The following BZW2 variants were observed in gnomAD, a reference collection of about 807,000 sequenced individuals.
BZW2 encodes the protein basic leucine zipper and W2 domains 2.
A neutral mutation model predicts 53.2 loss-of-function variants in BZW2; 23 were observed. That is an observed-to-expected ratio of 0.43 (90% confidence interval 0.31 to 0.61). BZW2 has a LOEUF of 0.61. BZW2 is among the 20% of genes least tolerant of loss of function. The probability of loss-of-function intolerance (pLI) is 0.09; values close to 1 mark genes in which losing one functional copy is unlikely to be tolerated. For missense variants in BZW2, 409 were observed against 503.1 expected, an observed-to-expected ratio of 0.81 and a Z score of 1.79; for synonymous variants, 227 against 186.4, an observed-to-expected ratio of 1.22 and a Z score of -1.77.
intron 2 of BZW2, among the ~76,000 whole-genome samples, chr7:16,667,293 CAA>C (rs574426507): frequency 8.1e-6 from 1 of 124,082 alleles, no homozygotes; most frequent in African/African-American, 3.0e-5. Flanking sequence ...AAAAAAAAAA[CAA>C]AAAAAAAAAC....
intron 2 of BZW2, among the ~76,000 whole-genome samples, chr7:16,673,228 G>A (rs1222026166): frequency 6.6e-6 from 1 of 152,146 alleles, no homozygotes; most frequent in East Asian, 1.9e-4. Flanking sequence ...TTACAGGCGT[G>A]AGCCACCACG....
intron 10 of BZW2, among the ~76,000 whole-genome samples, chr7:16,699,145 T>C (rs1477112096): frequency 6.6e-6 from 1 of 152,214 alleles, no homozygotes; most frequent in Non-Finnish European, 1.5e-5. Flanking sequence ...GGGTGATATT[T>C]TACTTTTTCA....
chr7:16,694,749 T>G, intron 7 of BZW2, 85 bp from the exon 8 acceptor site: 1 of 1,117,722 alleles, frequency 8.9e-7, no homozygotes, highest in Non-Finnish European at 1.2e-6. Flanking sequence ...TGTGAGATAT[T>G]CTAAGTGAAA....
At chr7:16,689,546 T>C (rs373404276) in intron 6 of BZW2, among the ~76,000 whole-genome samples, 2 of 152,220 alleles carry the variant, frequency 1.3e-5, no homozygotes, top group East Asian at 1.9e-4. Context: ...AAAATAAACT[T>C]GCAGTTAGAC....
intron 5 of BZW2, 123 bp from the exon 6 acceptor site, chr7:16,685,782 T>G (rs1783096465): frequency 8.1e-7 from 1 of 1,232,932 alleles, no homozygotes; most frequent in Non-Finnish European, 1.1e-6. Context: ...ACCTTCTGTT[T>G]GTGTGCCACG....
chr7:16,646,434 GC>G (rs1246145191), intron 1 of BZW2, 146 bp downstream of exon 1: 1 of 160,756 alleles, frequency 6.2e-6, no homozygotes, highest in African/African-American at 2.4e-5. Flanking sequence ...CGGTGGAGAA[GC>G]CCCCGCTCCA....
At chr7:16,670,493 CTT>C (rs1049058119) in intron 2 of BZW2, among the ~76,000 whole-genome samples, 35 of 152,270 alleles carry the variant, frequency 2.3e-4, no homozygotes, top group African/African-American at 8.2e-4. Context: ...GTGGGAATGA[CTT>C]TATTTGATTT....
At chr7:16,682,920 G>A (rs1442713627) in intron 5 of BZW2, 75 bp downstream of exon 5, 37 of 1,003,070 alleles carry the variant, frequency 3.7e-5, no homozygotes, top group East Asian at 1.2e-4. Flanking sequence ...ATAAGTGGCC[G>A]GACACGGTGG....
intron 6 of BZW2, 84 bp from the exon 7 acceptor site, chr7:16,689,713 T>C (rs1345629998): frequency 8.7e-7 from 1 of 1,149,926 alleles, no homozygotes; most frequent in East Asian, 2.7e-5. Context: ...TATTTACACA[T>C]TTCAGGAAAC....
intron 1 of BZW2, among the ~76,000 whole-genome samples, chr7:16,649,393 C>T (rs184370346): frequency 2.0e-5 from 3 of 152,204 alleles, no homozygotes; most frequent in Admixed American, 6.5e-5. Flanking sequence ...GCACTAAGCA[C>T]GCACAATCAT....
intron 1 of BZW2, among the ~76,000 whole-genome samples, chr7:16,663,956 T>A (rs559473792): frequency 4.6e-5 from 7 of 152,322 alleles, no homozygotes; most frequent in African/African-American, 1.2e-4. Context: ...TCCCTGTCCA[T>A]TAAGGTAAAC....
chr7:16,649,838 A>G (rs1219714839), intron 1 of BZW2, among the ~76,000 whole-genome samples: 1 of 152,216 alleles, frequency 6.6e-6, no homozygotes, highest in Non-Finnish European at 1.5e-5. Context: ...AGAAAGGAAG[A>G]GAGACTGAAT....
In BZW2 at chr7:16,674,606, G is replaced by A. The variant is rs370423915; in HGVS notation, c.235+18G>A. 5.3e-6 allele frequency: 8 copies of A among 1,522,096 alleles called. No individual in the cohort carries two copies. The highest frequency in any genetic ancestry group is 4.6e-5 in the East Asian group (2 of 43,744). The allele number at this position is 1,522,096 out of a possible 1,614,324, so 94.3% of individuals were successfully genotyped here. Reference sequence around the variant, plus strand: ...TATGCTTGGTAAACCATGCATTATCGCTTCTTGTAGTATATTTATATATTT... The same window carrying A: ...TATGCTTGGTAAACCATGCATTATCACTTCTTGTAGTATATTTATATATTT... On this transcript the variant is annotated intron_variant, in intron 3 of 11. Coordinates refer to ENST00000258761, the MANE Select transcript of BZW2 (RefSeq NM_014038.3).
At chr7:16,668,825 C>G (rs1377080260) in intron 2 of BZW2, among the ~76,000 whole-genome samples, 1 of 152,180 alleles carries the variant, frequency 6.6e-6, no homozygotes, top group East Asian at 1.9e-4. Flanking sequence ...TATAATAGAA[C>G]TCTAATCAGA....
chr7:16,660,131 C>G (rs1254227323), intron 1 of BZW2, among the ~76,000 whole-genome samples: 6 of 151,918 alleles, frequency 3.9e-5, no homozygotes, highest in African/African-American at 1.5e-4. Flanking sequence ...TGGTTTCCAG[C>G]TTCATCCATG....
At chr7:16,686,127 T>G (rs766665131) in intron 6 of BZW2, 87 bp downstream of exon 6, 30 of 1,534,500 alleles carry the variant, frequency 2.0e-5, no homozygotes, top group Admixed American at 3.8e-5. Flanking sequence ...TGGCTCTTTT[T>G]GGTGTCCTCT....
chr7:16,653,526 G>A (rs2128350051), intron 1 of BZW2, among the ~76,000 whole-genome samples: 1 of 152,234 alleles, frequency 6.6e-6, no homozygotes, highest in South Asian at 2.1e-4. Context: ...AGCAAGGCCA[G>A]TGTTGTGTGT....
At chr7:16,702,236 C>T (rs534519628) in intron 10 of BZW2, among the ~76,000 whole-genome samples, 1 of 152,024 alleles carries the variant, frequency 6.6e-6, no homozygotes, top group South Asian at 2.1e-4. Context: ...CTTTTCAGAC[C>T]TTTCCTTTCA....
intron 3 of BZW2, among the ~76,000 whole-genome samples, chr7:16,679,024 C>T (rs951505438): frequency 1.3e-5 from 2 of 151,988 alleles, no homozygotes; most frequent in African/African-American, 4.8e-5. Context: ...GTCCATGTCC[C>T]GCTGGGCACA....
Sources: gnomAD v4.1 joint callset for allele counts (sites outside exome capture counted in the v4.1 genomes callset) on GRCh38, gnomAD v4.1.1 for gene constraint, MANE v1.5 for transcripts, NCBI Gene and HGNC (gene_info 2026-07-23, HGNC 2026-07-21) for gene names.